Variants in GRIK2 observed in about 807,000 individuals in gnomAD.
GRIK2 encodes the protein glutamate receptor ionotropic, kainate 2.
A neutral mutation model predicts 100.3 loss-of-function variants in GRIK2; 32 were observed. The ratio of observed to expected loss-of-function variants is 0.32; its 90% CI spans 0.24 to 0.43. The LOEUF is 0.43. GRIK2 is among the 20% of genes least tolerant of loss of function. GRIK2 has a pLI of 1.00. For missense variants in GRIK2, 843 were observed against 1,114.9 expected (o/e 0.76, Z 3.47); for synonymous variants, 417 against 389.4 (o/e 1.07, Z -0.83).
intron 10 of GRIK2, among the ~76,000 whole-genome samples, chr6:101,847,125 T>C (rs1783859399): frequency 6.6e-6 from 1 of 152,108 alleles, no homozygotes; most frequent in African/African-American, 2.4e-5. Flanking sequence ...TTAATGTAGA[T>C]ATATACAGCT....
intron 7 of GRIK2, among the ~76,000 whole-genome samples, chr6:101,701,391 G>A (rs1369055174): frequency 6.6e-6 from 1 of 152,040 alleles, no homozygotes; most frequent in Non-Finnish European, 1.5e-5. Context: ...AATGCCTTGG[G>A]AGAAGAGATG....
chr6:102,032,123 C>T (rs1002401385), intron 14 of GRIK2, among the ~76,000 whole-genome samples: 1 of 151,182 alleles, frequency 6.6e-6, no homozygotes, highest in African/African-American at 2.4e-5. Flanking sequence ...ATATCTTCGT[C>T]ACAGAAAGTA....
intron 10 of GRIK2, among the ~76,000 whole-genome samples, chr6:101,852,013 A>G (rs1373708889): frequency 2.0e-5 from 3 of 151,770 alleles, no homozygotes; most frequent in African/African-American, 4.8e-5. Flanking sequence ...CATAATAGAT[A>G]TAATATTACT....
At chr6:102,061,612 T>C (rs1382078123) in intron 16 of GRIK2, among the ~76,000 whole-genome samples, 1 of 150,610 alleles carries the variant, frequency 6.6e-6, no homozygotes, top group African/African-American at 2.4e-5. Context: ...TAAAAAGACT[T>C]GGAAACATAA....
Position 101,516,395 on chromosome 6 carries a change from G to A in GRIK2, c.116-105554G>A, listed in dbSNP as rs186070337. ...ATACTGGTATAAAAATGGGCACATA[G>A]ACCAATGGAACAGAACAGAGAACCA... On this transcript the variant is annotated intron_variant, in intron 2 of 16. Transcript: ENST00000369134. 6.6e-5 allele frequency among the ~76,000 whole-genome samples: 10 copies of A among 152,092 alleles called. No individual in the cohort carries two copies. In the East Asian group the frequency reaches 1.9e-3, roughly 29 times the overall value.
At position 101,447,698 on chromosome 6, in the gene GRIK2, G is replaced by C. The variant is rs896563424; in HGVS notation, c.115+48306G>C. Among the ~76,000 whole-genome samples, 3 of 151,518 alleles carry C rather than the reference G, an allele frequency of 2.0e-5. No individual in the cohort carries two copies. In the East Asian group the frequency reaches 5.8e-4, roughly 29 times the overall value. ...ATTGATTTTTATTTATGACCATCTT[G>C]AACTATTGATGAGACATTATGTACT... On this transcript the variant is annotated intron_variant, in intron 2 of 16. Transcript: ENST00000369134.
chr6:101,415,110 T>C (rs931633278), intron 2 of GRIK2, among the ~76,000 whole-genome samples: 1 of 152,112 alleles, frequency 6.6e-6, no homozygotes, highest in East Asian at 1.9e-4. Flanking sequence ...CATGCAGCTA[T>C]AATCACTGTT....
At chr6:101,954,665 A>G (rs1462952378) in intron 14 of GRIK2, among the ~76,000 whole-genome samples, 1 of 152,120 alleles carries the variant, frequency 6.6e-6, no homozygotes, top group Non-Finnish European at 1.5e-5. Context: ...AGATAGTTTA[A>G]GGTTTTCTTT....
intron 2 of GRIK2, among the ~76,000 whole-genome samples, chr6:101,494,971 T>TTTTATATATATATATA (rs1554209024): frequency 6.4e-4 from 69 of 107,954 alleles, no homozygotes; most frequent in African/African-American, 1.9e-3. Context: ...ATATATGCAT[T>TTTTATATATATATATA]TATATATATA....
Position 101,461,744 on chromosome 6 carries a change from T to C in GRIK2, c.115+62352T>C, listed in dbSNP as rs146052517. Among the ~76,000 whole-genome samples the C allele has an allele frequency of 7.5e-3, 1,147 of 152,274 alleles. 10 individuals are homozygous for C. The highest frequency in any genetic ancestry group is 0.016 in the South Asian group (75 of 4,828). On this transcript the variant is annotated intron_variant, in intron 2 of 16. Transcript: ENST00000369134. ...TCTGCCTACCCCAGGCTGAAAAAAC[T>C]GAGTTTAACATAAGCTCTCCATTAC...
intron 12 of GRIK2, among the ~76,000 whole-genome samples, chr6:101,918,161 C>T (rs1789240157): frequency 7.1e-6 from 1 of 141,670 alleles, no homozygotes; most frequent in Admixed American, 7.4e-5. Context: ...TTTTTCATAA[C>T]ACGTGAAAGT....
intron 14 of GRIK2, among the ~76,000 whole-genome samples, chr6:101,990,835 C>T (rs1338376172): frequency 7.8e-6 from 1 of 127,448 alleles, no homozygotes; most frequent in African/African-American, 2.6e-5. Flanking sequence ...TCATTAATTT[C>T]TTAATTTTTT....
intron 7 of GRIK2, among the ~76,000 whole-genome samples, chr6:101,725,773 C>T (rs936578066): frequency 6.6e-6 from 1 of 151,948 alleles, no homozygotes; most frequent in Non-Finnish European, 1.5e-5. Context: ...TCATTTTGTA[C>T]TGGTCACTGA....
rs1769268716 is a variant in GRIK2, at chr6:101,429,682, CT to C, written c.115+30297del. On this transcript the variant is annotated intron_variant, in intron 2 of 16. Coordinates refer to ENST00000369134, the MANE Select transcript of GRIK2 (RefSeq NM_021956.5). ...TGAAAAAAATGGAGAGGGTTTTTTTCTTTTTTTCTGTTTTCTTTTTTTCCAA... is the reference window on the plus strand; with the variant it reads ...TGAAAAAAATGGAGAGGGTTTTTTTCTTTTTTCTGTTTTCTTTTTTTCCAA... 4.6e-5 allele frequency among the ~76,000 whole-genome samples: 7 copies of C among 152,014 alleles called. No homozygotes were observed. The South Asian group carries it at 1.5e-3, about 32-fold the overall frequency.
chr6:101,470,923 C>T (rs1771914703), intron 2 of GRIK2, among the ~76,000 whole-genome samples: 1 of 152,040 alleles, frequency 6.6e-6, no homozygotes, highest in Admixed American at 6.6e-5. Context: ...TATAGTACAA[C>T]CATGATGTTA....
chr6:101,462,020 G>A (rs561204243), intron 2 of GRIK2, among the ~76,000 whole-genome samples: 19 of 152,152 alleles, frequency 1.2e-4, no homozygotes, highest in Admixed American at 3.3e-4. Context: ...ACCTAGTTTC[G>A]TATACTTTAA....
intron 10 of GRIK2, among the ~76,000 whole-genome samples, chr6:101,851,180 G>T (rs1401593396): frequency 4.6e-5 from 7 of 152,154 alleles, no homozygotes; most frequent in African/African-American, 1.7e-4. Context: ...ATCTAAGTAG[G>T]TTTTTTAATC....
chr6:101,899,181 CTTGG>C (rs1442097598), intron 12 of GRIK2, among the ~76,000 whole-genome samples: 1 of 149,128 alleles, frequency 6.7e-6, no homozygotes, highest in Admixed American at 6.7e-5. Flanking sequence ...ATAGAAATAT[CTTGG>C]TTGATCTATT....
At chr6:101,519,114 G>A (rs569369076) in intron 2 of GRIK2, among the ~76,000 whole-genome samples, 50 of 152,022 alleles carry the variant, frequency 3.3e-4, no homozygotes, top group Non-Finnish European at 5.3e-4. Flanking sequence ...GAATAATCTC[G>A]TCAGCCTGCC....
Sources: gnomAD v4.1 joint callset for allele counts (sites outside exome capture counted in the v4.1 genomes callset) on GRCh38, gnomAD v4.1.1 for gene constraint, MANE v1.5 for transcripts, NCBI Gene and HGNC (gene_info 2026-07-23, HGNC 2026-07-21) for gene names.